KIAA1328: variants seen among roughly 807,000 people sequenced by gnomAD.
KIAA1328 encodes KIAA1328, also known as protein hinderin.
KIAA1328 carries 52 observed loss-of-function variants against 68.1 expected under a neutral mutation model. That is an observed-to-expected ratio of 0.76 (90% CI 0.61 to 0.96). The LOEUF is 0.96. Among genes scored for constraint, KIAA1328 ranks in the 40% least tolerant of loss-of-function variants. KIAA1328 has a pLI of 0.00. For missense variants in KIAA1328, 641 were observed against 677.6 expected (o/e 0.95, Z 0.60); for synonymous variants, 232 against 239.4 (o/e 0.97, Z 0.28).
intron 3 of KIAA1328, among the ~76,000 whole-genome samples, chr18:36,836,597 T>C (rs1402273866): frequency 1.3e-5 from 2 of 152,132 alleles, no homozygotes; most frequent in African/African-American, 4.8e-5. Context: ...TTACATTTGC[T>C]TTAGTCAACT....
chr18:36,981,720 G>A (rs992599770), intron 6 of KIAA1328, among the ~76,000 whole-genome samples: 2 of 151,538 alleles, frequency 1.3e-5, no homozygotes, highest in East Asian at 1.9e-4. Flanking sequence ...TCAAGTAACT[G>A]GGACTCCTGG....
intron 6 of KIAA1328, among the ~76,000 whole-genome samples, chr18:36,975,408 T>C (rs1033908947): frequency 5.3e-5 from 8 of 152,062 alleles, no homozygotes; most frequent in African/African-American, 1.9e-4. Flanking sequence ...GGTCTCGATC[T>C]CCTGACCTCG....
At chr18:36,865,144 A>G (rs936513457) in intron 4 of KIAA1328, among the ~76,000 whole-genome samples, 1 of 151,514 alleles carries the variant, frequency 6.6e-6, no homozygotes, top group Non-Finnish European at 1.5e-5. Context: ...CTTAGAGATC[A>G]TTCTTTTTCA....
chr18:36,996,490 CTA>C (rs1206726408), intron 6 of KIAA1328, among the ~76,000 whole-genome samples: 1 of 152,028 alleles, frequency 6.6e-6, no homozygotes, highest in Non-Finnish European at 1.5e-5. Flanking sequence ...TAAAAGGGCT[CTA>C]AATTTTAAAA....
chr18:36,867,455 A>T (rs1404560745), intron 4 of KIAA1328, among the ~76,000 whole-genome samples: 1 of 152,236 alleles, frequency 6.6e-6, no homozygotes, highest in Non-Finnish European at 1.5e-5. Context: ...TACATTACCT[A>T]GTCTCAGGTA....
rs531868906 is a variant in KIAA1328 at position 37,067,329 on chromosome 18, G to A, written c.1016G>A (p.Arg339Gln). Residue 339 changes from arginine to glutamine, a missense_variant, in exon 7 of 10, where the codon CGG (arginine) becomes CAG (glutamine). Transcript: ENST00000280020. ...CATCCAGAATCATGCAGTTATTGTC[G>A]GCTTTCTTGGGCATCTCTGGTGCAT... ...KTHPESCSYC[R>Q]LSWASLVHGG... 1.1e-5 allele frequency: 18 copies of A among 1,613,810 alleles called. No individual in the cohort carries two copies. The highest frequency in any genetic ancestry group is 5.3e-5 in the African/African-American group (4 of 74,988).
chr18:37,102,928 C>G (rs2057665613), intron 7 of KIAA1328, among the ~76,000 whole-genome samples: 1 of 152,078 alleles, frequency 6.6e-6, no homozygotes, highest in East Asian at 1.9e-4. Context: ...AAAGTGATCC[C>G]ATTTACAATA....
chr18:37,014,917 T>TTTATA (rs2054099072), intron 6 of KIAA1328, among the ~76,000 whole-genome samples: 1 of 152,120 alleles, frequency 6.6e-6, no homozygotes, highest in Admixed American at 6.5e-5. Context: ...TTTATTTTAT[T>TTTATA]TTTTTAGACA....
At chr18:36,968,857 A>G (rs2052052988) in intron 6 of KIAA1328, among the ~76,000 whole-genome samples, 2 of 152,186 alleles carry the variant, frequency 1.3e-5, no homozygotes, top group Admixed American at 1.3e-4. Flanking sequence ...TGAGTACAAC[A>G]TAATCTAAAA....
intron 7 of KIAA1328, among the ~76,000 whole-genome samples, chr18:37,071,253 T>A (rs1475745950): frequency 6.6e-6 from 1 of 151,666 alleles, no homozygotes; most frequent in Non-Finnish European, 1.5e-5. Context: ...TTGCATTGTT[T>A]GTAGAGATAG....
At chr18:36,937,685 T>C (rs886196340) in intron 5 of KIAA1328, among the ~76,000 whole-genome samples, 3 of 152,178 alleles carry the variant, frequency 2.0e-5, no homozygotes, top group African/African-American at 7.2e-5. Flanking sequence ...ATATACTACA[T>C]TTACCATCCT....
At chr18:36,948,551 C>T (rs1038415211) in intron 5 of KIAA1328, among the ~76,000 whole-genome samples, 6 of 149,326 alleles carry the variant, frequency 4.0e-5, no homozygotes, top group East Asian at 4.0e-4. Context: ...TTAGCCACCA[C>T]GCCTTTTTTT....
chr18:36,893,883 G>A (rs2048783394), intron 5 of KIAA1328, among the ~76,000 whole-genome samples: 1 of 152,026 alleles, frequency 6.6e-6, no homozygotes, highest in South Asian at 2.1e-4. Flanking sequence ...AATACAACAT[G>A]GTATTCGGAG....
chr18:37,168,842 A>G (rs2059440548), intron 8 of KIAA1328, among the ~76,000 whole-genome samples: 1 of 152,174 alleles, frequency 6.6e-6, no homozygotes, highest in Non-Finnish European at 1.5e-5. Flanking sequence ...TTTTGTCTTT[A>G]TAATTTATTC....
chr18:37,086,131 G>A (rs1475479441), intron 7 of KIAA1328, among the ~76,000 whole-genome samples: 4 of 152,190 alleles, frequency 2.6e-5, no homozygotes. Context: ...AAGTTTCAGT[G>A]AGCTTGAATA....
In KIAA1328 at chr18:37,043,805, A is replaced by G. The variant is rs527453166; in HGVS notation, c.577-23085A>G. On this transcript the variant is annotated intron_variant, in intron 6 of 9. Transcript: ENST00000280020. ...GACTTGAGCATGTATTCCTCCTTCT[A>G]TGCCACCCAGTATATAGGAAGCTTA... 1.1e-3 allele frequency among the ~76,000 whole-genome samples: 164 copies of G among 152,236 alleles called. 2 individuals carry two copies. Among genetic ancestry groups the G allele is most frequent in the African/African-American group, 3.8e-3 (157 of 41,538 alleles).
chr18:36,881,816 T>C (rs1235653756), intron 4 of KIAA1328, among the ~76,000 whole-genome samples: 1 of 152,274 alleles, frequency 6.6e-6, no homozygotes, highest in Non-Finnish European at 1.5e-5. Context: ...GCTGAATAAC[T>C]TTCCATTGTA....
chr18:36,974,937 C>T (rs1016883663), intron 6 of KIAA1328, among the ~76,000 whole-genome samples: 2 of 152,096 alleles, frequency 1.3e-5, no homozygotes, highest in Non-Finnish European at 2.9e-5. Flanking sequence ...TGAATTTTTG[C>T]TCTTGGAACA....
intron 8 of KIAA1328, among the ~76,000 whole-genome samples, chr18:37,165,586 A>ATTTTT (rs767099970): frequency 7.9e-6 from 1 of 126,020 alleles, no homozygotes; most frequent in African/African-American, 2.9e-5. Context: ...CACCCGGCTA[A>ATTTTT]TTTTTTTTTT....
Sources: allele counts gnomAD v4.1 joint callset (sites outside exome capture counted in the v4.1 genomes callset), GRCh38; gene constraint gnomAD v4.1.1; transcripts MANE v1.5; gene names NCBI Gene and HGNC (gene_info 2026-07-23, HGNC 2026-07-21).